Variants in EPHA6 observed in about 807,000 individuals in gnomAD.
EPHA6 encodes the protein ephrin type-A receptor 6.
A neutral mutation model predicts 112.0 loss-of-function variants in EPHA6; 50 were observed. The observed-to-expected ratio is 0.45, with a 90% confidence interval of 0.36 to 0.56. EPHA6 has a LOEUF of 0.56. EPHA6 is among the 20% of genes least tolerant of loss of function. EPHA6 has a pLI of 0.00. For synonymous variants in EPHA6, 529 were observed against 490.7 expected (o/e 1.08, Z -1.03); for missense variants, 1,280 against 1,417.4 (o/e 0.90, Z 1.56).
At chr3:97,334,705 G>A (rs940149989) in intron 5 of EPHA6, among the ~76,000 whole-genome samples, 1 of 151,894 alleles carries the variant, frequency 6.6e-6, no homozygotes, top group Admixed American at 6.6e-5. Flanking sequence ...TATCAACATG[G>A]TCTCTTTCAT....
intron 4 of EPHA6, among the ~76,000 whole-genome samples, chr3:97,242,189 TAC>T (rs1206670933): frequency 6.6e-6 from 1 of 151,794 alleles, no homozygotes; most frequent in South Asian, 2.1e-4. Context: ...CTTCCTGTTG[TAC>T]ATAGAAAACT....
intron 3 of EPHA6, among the ~76,000 whole-genome samples, chr3:97,122,009 T>C (rs1342271130): frequency 6.6e-6 from 1 of 152,104 alleles, no homozygotes; most frequent in Admixed American, 6.6e-5. Flanking sequence ...GATGTTATTG[T>C]ATATGTCTTC....
At chr3:96,939,399 T>A (rs989514014) in intron 2 of EPHA6, among the ~76,000 whole-genome samples, 2 of 152,244 alleles carry the variant, frequency 1.3e-5, no homozygotes, top group South Asian at 2.1e-4. Context: ...TGCGTAGAGA[T>A]GTTTGTAGTA....
chr3:96,977,849 C>A (rs906938196), intron 2 of EPHA6, among the ~76,000 whole-genome samples: 3 of 151,996 alleles, frequency 2.0e-5, no homozygotes, highest in African/African-American at 4.8e-5. Context: ...GTAAAGTAAG[C>A]TAGAGAAAAG....
chr3:96,972,166 T>C (rs1459925726), intron 2 of EPHA6, among the ~76,000 whole-genome samples: 1 of 152,100 alleles, frequency 6.6e-6, no homozygotes, highest in Non-Finnish European at 1.5e-5. Flanking sequence ...TCACTTGTTA[T>C]ATTCTATTTT....
At chr3:97,072,088 G>GC (rs1186507612) in intron 3 of EPHA6, among the ~76,000 whole-genome samples, 1 of 152,040 alleles carries the variant, frequency 6.6e-6, no homozygotes, top group African/African-American at 2.4e-5. Flanking sequence ...AAAGATACTT[G>GC]CACATGCATG....
At chr3:96,939,221 G>A (rs2040790114) in intron 2 of EPHA6, among the ~76,000 whole-genome samples, 1 of 152,200 alleles carries the variant, frequency 6.6e-6, no homozygotes. Context: ...ATTCGGCTGT[G>A]AATCCATCTG....
At chr3:97,263,100 A>G (rs954141843) in intron 5 of EPHA6, among the ~76,000 whole-genome samples, 6 of 152,226 alleles carry the variant, frequency 3.9e-5, no homozygotes, top group African/African-American at 1.4e-4. Flanking sequence ...TACTCTGTAT[A>G]ATTAGCATTT....
At chr3:96,859,984 A>G (rs911709141) in intron 1 of EPHA6, among the ~76,000 whole-genome samples, 4 of 152,156 alleles carry the variant, frequency 2.6e-5, no homozygotes, top group African/African-American at 7.2e-5. Flanking sequence ...AGTTGACACA[A>G]AAATCCTAGT....
intron 11 of EPHA6, among the ~76,000 whole-genome samples, chr3:97,577,774 T>C (rs1431462708): frequency 3.3e-5 from 5 of 152,206 alleles, no homozygotes; most frequent in African/African-American, 1.2e-4. Flanking sequence ...AATATCACTC[T>C]TAATCTTATC....
chr3:97,590,849 A>G (rs992189858), intron 11 of EPHA6, among the ~76,000 whole-genome samples: 1 of 152,230 alleles, frequency 6.6e-6, no homozygotes, highest in Non-Finnish European at 1.5e-5. Flanking sequence ...GTATTCAATG[A>G]TGCACCTTCA....
At chr3:97,087,893 A>C (rs192419521) in intron 3 of EPHA6, among the ~76,000 whole-genome samples, 157 of 152,114 alleles carry the variant, frequency 1.0e-3, no homozygotes, top group African/African-American at 3.6e-3. Flanking sequence ...TCCCATTAAA[A>C]TTTTTTTCGG....
intron 14 of EPHA6, among the ~76,000 whole-genome samples, chr3:97,683,423 C>T (rs2032011256): frequency 6.6e-6 from 1 of 152,008 alleles, no homozygotes. Context: ...AGCATAATAA[C>T]CCCTTATACA....
chr3:97,300,432 C>T (rs1472712451), intron 5 of EPHA6, among the ~76,000 whole-genome samples: 2 of 152,130 alleles, frequency 1.3e-5, no homozygotes, highest in Non-Finnish European at 2.9e-5. Flanking sequence ...GCTCATACCC[C>T]ACCCCAGTCA....
intron 2 of EPHA6, among the ~76,000 whole-genome samples, chr3:96,955,182 T>C (rs1034692454): frequency 1.3e-5 from 2 of 152,160 alleles, no homozygotes; most frequent in East Asian, 1.9e-4. Context: ...ATGTTTCTAA[T>C]AGTAGAAATG....
chr3:97,600,579 C>G (rs2093635074), intron 12 of EPHA6, among the ~76,000 whole-genome samples: 1 of 152,032 alleles, frequency 6.6e-6, no homozygotes, highest in African/African-American at 2.4e-5. Context: ...ATTTAACCTT[C>G]CTCCCCAACC....
chr3:96,876,130 TATA>T, intron 2 of EPHA6, among the ~76,000 whole-genome samples: 1 of 132,954 alleles, frequency 7.5e-6, no homozygotes, highest in African/African-American at 3.7e-5. Context: ...ATAAAATACA[TATA>T]TTTTTTTTTT....
At chr3:96,872,180 C>A (rs1435688762) in intron 2 of EPHA6, among the ~76,000 whole-genome samples, 2 of 152,100 alleles carry the variant, frequency 1.3e-5, no homozygotes, top group Non-Finnish European at 2.9e-5. Flanking sequence ...TGTTAAGTAC[C>A]CAAACTTTCT....
intron 13 of EPHA6, among the ~76,000 whole-genome samples, chr3:97,635,590 A>C (rs1318930765): frequency 6.6e-6 from 1 of 152,100 alleles, no homozygotes; most frequent in Admixed American, 6.6e-5. Flanking sequence ...GATATCCAGA[A>C]TAGGCAAATA....
Sources: allele counts gnomAD v4.1 joint callset (sites outside exome capture counted in the v4.1 genomes callset), GRCh38; gene constraint gnomAD v4.1.1; transcripts MANE v1.5; gene names NCBI Gene and HGNC (gene_info 2026-07-23, HGNC 2026-07-21).